UGT3A2: variants seen among roughly 807,000 people sequenced by gnomAD.
UGT3A2 encodes UDP-glycosyltransferase 3A2.
UGT3A2 carries 32 observed loss-of-function variants against 39.8 expected under a neutral mutation model. The observed-to-expected ratio is 0.80, with a 90% CI of 0.61 to 1.08. UGT3A2 has a LOEUF of 1.08. UGT3A2 is among the 50% of genes least tolerant of loss of function. UGT3A2 has a pLI of 0.00. For synonymous variants in UGT3A2, 241 were observed against 230.7 expected (o/e 1.04, Z -0.40); for missense variants, 611 against 637.1 (o/e 0.96, Z 0.44).
chr5:36,061,810 C>T (rs914562126), intron 2 of UGT3A2, among the ~76,000 whole-genome samples: 11 of 152,154 alleles, frequency 7.2e-5, no homozygotes, highest in African/African-American at 2.4e-4. Flanking sequence ...CCTGATGAAT[C>T]GCCACACTGA....
At chr5:36,062,989 C>T (rs1395147695) in intron 2 of UGT3A2, among the ~76,000 whole-genome samples, 1 of 151,054 alleles carries the variant, frequency 6.6e-6, no homozygotes, top group Non-Finnish European at 1.5e-5. Flanking sequence ...TGCAGTGAGC[C>T]AAGATCATGC....
intron 2 of UGT3A2, among the ~76,000 whole-genome samples, chr5:36,063,098 A>C (rs1240719221): frequency 3.9e-5 from 6 of 152,082 alleles, no homozygotes; most frequent in African/African-American, 1.2e-4. Flanking sequence ...TATTATCTTC[A>C]AAGGTTGAAA....
intron 3 of UGT3A2, among the ~76,000 whole-genome samples, chr5:36,050,509 C>T: frequency 6.6e-6 from 1 of 152,190 alleles, no homozygotes; most frequent in Middle Eastern, 3.2e-3. Flanking sequence ...TGAAGTCATC[C>T]TCTGTTGTAG....
chr5:36,065,817 A>C (rs1454107213), intron 1 of UGT3A2, among the ~76,000 whole-genome samples: 2 of 152,116 alleles, frequency 1.3e-5, no homozygotes, highest in Admixed American at 1.3e-4. Flanking sequence ...ATGGGCACTA[A>C]ATTAGATGAT....
In UGT3A2 at chr5:36,064,283, G is replaced by A. The variant is rs760923939; in HGVS notation, c.162C>T (p.Thr54=). 1 of 1,614,178 alleles carries A rather than the reference G, an allele frequency of 6.2e-7. No homozygotes were observed. The highest frequency in any genetic ancestry group is 1.1e-5 in the South Asian group (1 of 91,078). The change falls in exon 2 of 7, where the codon ACC becomes ACT. Residue 54 remains threonine (T), a synonymous_variant. Coordinates refer to ENST00000282507, the MANE Select transcript of UGT3A2 (RefSeq NM_174914.4). Reference sequence around the variant, plus strand: ...AAGGACCTCTTTTGTGGTTAAGCATGGTGACATTATGACCGTGATCTTGAA... The same window carrying A: ...AAGGACCTCTTTTGTGGTTAAGCATAGTGACATTATGACCGTGATCTTGAA... ...QILQDHGHNV[T]MLNHKRGPFM... is the part of the protein sequence containing the mutation.
intron 4 of UGT3A2, among the ~76,000 whole-genome samples, chr5:36,046,481 A>G (rs1300061930): frequency 6.6e-6 from 1 of 152,216 alleles, no homozygotes; most frequent in East Asian, 1.9e-4. Flanking sequence ...AAACTAGAAT[A>G]CATTATGTTA....
intron 3 of UGT3A2, among the ~76,000 whole-genome samples, chr5:36,050,536 A>G (rs1383001541): frequency 2.0e-5 from 3 of 152,220 alleles, no homozygotes. Context: ...AAAGATTCAC[A>G]TAACAAAGGA....
chr5:36,054,777 G>C (rs1742453664), intron 2 of UGT3A2, among the ~76,000 whole-genome samples: 1 of 152,214 alleles, frequency 6.6e-6, no homozygotes. Context: ...AAATAATCCT[G>C]TGGTTTGGCT....
intron 2 of UGT3A2, among the ~76,000 whole-genome samples, 192 bp downstream of exon 2, chr5:36,064,057 A>C (rs766797382): frequency 6.6e-6 from 1 of 152,154 alleles, no homozygotes; most frequent in Non-Finnish European, 1.5e-5. Flanking sequence ...AAAATATGGG[A>C]GTATGGAACG....
At chr5:36,038,974 T>C (rs925390890) in intron 5 of UGT3A2, among the ~76,000 whole-genome samples, 7 of 152,224 alleles carry the variant, frequency 4.6e-5, no homozygotes, top group Non-Finnish European at 1.0e-4. Flanking sequence ...AAGACATCAT[T>C]GGCATTAATC....
In UGT3A2 at chr5:36,039,461, C is replaced by T; in HGVS notation, c.1075+16G>A. ...AGGTCAGTGGAAGGAGAGGAGCAGTCCTGGGCAGCCCTTACCCAGGAGGTC... is the reference window on the plus strand; with the variant it reads ...AGGTCAGTGGAAGGAGAGGAGCAGTTCTGGGCAGCCCTTACCCAGGAGGTC... On this transcript the variant is annotated intron_variant, in intron 5 of 6. Transcript: ENST00000282507. 1.9e-6 allele frequency: 3 copies of T among 1,612,576 alleles called. No homozygotes were observed. Among genetic ancestry groups the T allele is most frequent in the Non-Finnish European group, 2.5e-6 (3 of 1,179,304 alleles).
Position 36,039,741 on chromosome 5 carries a change from A to C in UGT3A2, c.844-33T>G, listed in dbSNP as rs764952739. On this transcript the variant is annotated intron_variant, in intron 4 of 6. Coordinates refer to ENST00000282507, the MANE Select transcript of UGT3A2 (RefSeq NM_174914.4). Reference sequence around the variant, plus strand: ...AAGATTACCAAGGTAAAGAGGTGACAAAATTATTGGTGAAAGCCTAGTTGA... The same window carrying C: ...AAGATTACCAAGGTAAAGAGGTGACCAAATTATTGGTGAAAGCCTAGTTGA... The C allele has an allele frequency of 1.9e-6, 3 of 1,592,514 alleles. No individual in the cohort carries two copies. In the Admixed American group the frequency reaches 5.0e-5, roughly 27 times the overall value.
chr5:36,038,805 C>T (rs778003575), intron 5 of UGT3A2, among the ~76,000 whole-genome samples: 2 of 152,210 alleles, frequency 1.3e-5, no homozygotes, highest in Non-Finnish European at 2.9e-5. Context: ...CCATGATCTT[C>T]GTTGTGAATC....
intron 6 of UGT3A2, 81 bp downstream of exon 6, chr5:36,037,716 C>A: frequency 6.0e-6 from 9 of 1,501,518 alleles, no homozygotes; most frequent in Non-Finnish European, 8.2e-6. Flanking sequence ...AAAACAAAAC[C>A]AAAAAAACAG....
chr5:36,055,355 T>C (rs1162370761), intron 2 of UGT3A2, among the ~76,000 whole-genome samples: 2 of 152,022 alleles, frequency 1.3e-5, no homozygotes, highest in Non-Finnish European at 2.9e-5. Context: ...GCCTCGGTCC[T>C]CTGAGTAGCT....
intron 2 of UGT3A2, among the ~76,000 whole-genome samples, chr5:36,064,011 G>T (rs1444482138): frequency 6.6e-6 from 1 of 152,094 alleles, no homozygotes; most frequent in African/African-American, 2.4e-5. Flanking sequence ...GTGGATGGTT[G>T]CTTGGGATGG....
At position 36,049,167 on chromosome 5, in the gene UGT3A2, AAC is replaced by A. The variant is rs1742260346; in HGVS notation, c.563_564del (p.Arg188LeufsTer5). ...AAGTCCATGTGATCAGTCAGCAAGG[AAC>A]GGAATACTGGAACATAAGACAAGGG... ...PIPLSYVPVF[R>X]SLLTDHMDFW... On this transcript the variant is annotated frameshift_variant, in exon 4 of 7. Coordinates refer to ENST00000282507, the MANE Select transcript of UGT3A2 (RefSeq NM_174914.4). LOFTEE classifies it high-confidence loss of function. The A allele has an allele frequency of 5.0e-6, 8 of 1,614,228 alleles. No homozygotes were observed. In the East Asian group the frequency reaches 1.8e-4, roughly 36 times the overall value.
intron 1 of UGT3A2, 23 bp downstream of exon 1, chr5:36,066,673 G>T (rs1301310527): frequency 1.2e-6 from 2 of 1,613,752 alleles, no homozygotes; most frequent in Admixed American, 1.7e-5. Flanking sequence ...GCCTGTCTGG[G>T]AATTCTCCGG....
chr5:36,044,751 A>G (rs1268312849), intron 4 of UGT3A2, among the ~76,000 whole-genome samples: 7 of 152,184 alleles, frequency 4.6e-5, no homozygotes, highest in Non-Finnish European at 1.0e-4. Context: ...ACAAAATAAA[A>G]TACCTAGGAA....
Sources: allele counts gnomAD v4.1 joint callset (sites outside exome capture counted in the v4.1 genomes callset), GRCh38; gene constraint gnomAD v4.1.1; transcripts MANE v1.5; gene names NCBI Gene and HGNC (gene_info 2026-07-23, HGNC 2026-07-21).